ANKRD17: variants seen among roughly 807,000 people sequenced by gnomAD.
ANKRD17 encodes the protein ankyrin repeat domain 17.
Under a neutral mutation model 229.7 loss-of-function variants are expected in ANKRD17, and 19 were observed. The observed-to-expected ratio is 0.08, with a 90% CI of 0.06 to 0.12. The LOEUF (loss-of-function observed/expected upper bound fraction) is 0.12, where lower values mean the gene tolerates loss of function less well. Among genes scored for constraint, ANKRD17 ranks in the 10% least tolerant of loss-of-function variants. ANKRD17 has a pLI of 1.00. For synonymous variants in ANKRD17, 1,112 were observed against 1,146.1 expected, an observed-to-expected ratio of 0.97 and a Z score of 0.60; for missense variants, 2,176 against 3,176.8, an observed-to-expected ratio of 0.68 and a Z score of 7.57.
chr4:73,136,421 A>C (rs2148792364), intron 15 of ANKRD17, among the ~76,000 whole-genome samples: 1 of 152,306 alleles, frequency 6.6e-6, no homozygotes, highest in African/African-American at 2.4e-5. Flanking sequence ...ATTATGAATT[A>C]AGAAATCTAT....
Position 73,148,016 on chromosome 4 carries a change from C to T in ANKRD17, c.1568-584G>A, listed in dbSNP as rs112197155. On this transcript the variant is annotated intron_variant, in intron 8 of 33. Transcript: ENST00000358602. ...TATTAGCTTTATACACACGTATTAA[C>T]TATCACAACAACCCTACACGAGAAA... is the stretch of plus-strand genomic sequence containing the variant. Among the ~76,000 whole-genome samples the T allele has an allele frequency of 4.2e-3, 642 of 152,152 alleles. 6 individuals are homozygous for T. The highest frequency in any genetic ancestry group is 0.015 in the African/African-American group (610 of 41,506).
chr4:73,073,823 T>C lies in ANKRD17; in HGVS notation c.*2408A>G, dbSNP rs536203145. Reference sequence around the variant, plus strand: ...ATGGTATAAACTGATTATACAATAATTGAGATATTAACTACTTGGGGATTT... The same window carrying C: ...ATGGTATAAACTGATTATACAATAACTGAGATATTAACTACTTGGGGATTT... On this transcript the variant is annotated 3_prime_UTR_variant, in exon 34 of 34. Transcript: ENST00000358602. The C allele has an allele frequency of 8.6e-5, 13 of 151,994 alleles. No individual in the cohort carries two copies. Among genetic ancestry groups the C allele is most frequent in the Non-Finnish European group, 1.6e-4 (11 of 67,876 alleles). 9.4% of individuals were successfully genotyped at this position (151,994 alleles called of 1,614,324 possible).
intron 1 of ANKRD17, among the ~76,000 whole-genome samples, chr4:73,257,864 G>A (rs1276541130): frequency 6.6e-6 from 1 of 151,766 alleles, no homozygotes; most frequent in Non-Finnish European, 1.5e-5. Flanking sequence ...CTCCTAGTTG[G>A]TCCCCAAGAG....
chr4:73,159,962 C>T (rs1421868237), intron 3 of ANKRD17, among the ~76,000 whole-genome samples: 1 of 152,100 alleles, frequency 6.6e-6, no homozygotes, highest in Non-Finnish European at 1.5e-5. Context: ...CTCTTTTATG[C>T]TCTTAAAAAT....
rs1721066878 is a variant in ANKRD17, at chr4:73,076,978, T to C, written c.7714A>G (p.Met2572Val). 3 of 1,613,214 alleles carry C rather than the reference T, an allele frequency of 1.9e-6. No homozygotes were observed. Among genetic ancestry groups the C allele is most frequent in the East Asian group, 2.2e-5 (1 of 44,838 alleles). Residue 2572 changes from methionine to valine, a missense_variant, in exon 33 of 34, where the codon ATG becomes GTG. By Grantham distance (21) the Met-to-Val change is conservative. Coordinates refer to ENST00000358602, the MANE Select transcript of ANKRD17 (RefSeq NM_032217.5). Reference protein sequence around the residue: ...ADPSWNSLIKMVSSSTENNGP... With the variant: ...ADPSWNSLIKVVSSSTENNGP... ...TTATTTTCCGTGGAGCTGGAAACCA[T>C]CTTTATCAGTGAGTTCCAAGAAGGG... is the stretch of plus-strand genomic sequence containing the variant.
chr4:73,092,272 T>A lies in ANKRD17; in HGVS notation c.5356A>T (p.Thr1786Ser). ...TTGATCAAAGCATTAATCAATTGAG[T>A]TGCTTGTCTTGTTGATTCAGTGCCA... ...RGGTESTRQA[T>S]QLINALIKDP... The change falls in exon 29 of 34, where the codon ACT becomes TCT. Residue 1786 changes from threonine (T) to serine (S), a missense_variant. Physicochemically the swap from Thr to Ser is moderately conservative, Grantham distance 58 (BLOSUM62 1). Around this residue, in one of 18 missense-constraint regions of ANKRD17, gnomAD observed 142 missense variants for 200.4 expected, o/e 0.71. Coordinates refer to ENST00000358602, the MANE Select transcript of ANKRD17 (RefSeq NM_032217.5). 6.2e-7 allele frequency: 1 copy of A among 1,613,560 alleles called. No homozygotes were observed. The highest frequency in any genetic ancestry group is 8.5e-7 in the Non-Finnish European group (1 of 1,179,808).
intron 18 of ANKRD17, 50 bp from the exon 19 acceptor site, chr4:73,121,809 C>T (rs536327770): frequency 1.3e-6 from 2 of 1,518,664 alleles, no homozygotes; most frequent in Non-Finnish European, 1.8e-6. Context: ...AGACAAATTA[C>T]CAAAGTGTGT....
At chr4:73,120,051 T>C in intron 21 of ANKRD17, 111 bp downstream of exon 21, 2 of 1,216,428 alleles carry the variant, frequency 1.6e-6, no homozygotes, top group Admixed American at 1.9e-5. Context: ...CACTTGTTTA[T>C]AAAAGAAGAA....
At chr4:73,215,269 T>G (rs1182117637) in intron 1 of ANKRD17, among the ~76,000 whole-genome samples, 1 of 152,060 alleles carries the variant, frequency 6.6e-6, no homozygotes, top group Non-Finnish European at 1.5e-5. Flanking sequence ...AATGTGATTT[T>G]TTTTTTTTTG....
chr4:73,140,654 T>C (rs545320235), intron 14 of ANKRD17, among the ~76,000 whole-genome samples: 35 of 152,300 alleles, frequency 2.3e-4, no homozygotes, highest in Admixed American at 6.5e-4. Context: ...AGAACAATAA[T>C]GCTAAATTAT....
Position 73,098,578 on chromosome 4 carries a change from C to T in ANKRD17, c.4574-58G>A. On this transcript the variant is annotated intron_variant, in intron 25 of 33. Coordinates refer to ENST00000358602, the MANE Select transcript of ANKRD17 (RefSeq NM_032217.5). ...CTAAGTGTTCCCAGAATGTATTTAGCTATAAGCACTTGAAGAAAAGAAAAA... is the reference window on the plus strand; with the variant it reads ...CTAAGTGTTCCCAGAATGTATTTAGTTATAAGCACTTGAAGAAAAGAAAAA... The T allele has an allele frequency of 5.4e-6, 8 of 1,489,046 alleles. No individual in the cohort carries two copies. In the South Asian group the frequency reaches 1.0e-4, roughly 19 times the overall value. 92.2% of individuals were successfully genotyped at this position (1,489,046 alleles called of 1,614,324 possible).
At chr4:73,237,289 A>T (rs1443770931) in intron 1 of ANKRD17, among the ~76,000 whole-genome samples, 2 of 152,236 alleles carry the variant, frequency 1.3e-5, no homozygotes, top group Non-Finnish European at 2.9e-5. Context: ...GAAGACAAAA[A>T]GCTGTAATAC....
rs750700432 is a variant in ANKRD17, at chr4:73,090,981, G to A, written c.6647C>T (p.Ser2216Phe). 6.2e-6 allele frequency: 10 copies of A among 1,614,262 alleles called. No homozygotes were observed. The South Asian group carries it at 8.8e-5, about 14-fold the overall frequency. ...TAAGGTCGAAGGTAGCTGGACAGAA[G>A]AGGGAACACTGTGAGGTCTTTTAAT... ...NHIKRPHSVP[S>F]SVQLPSTLST... Residue 2216 changes from serine to phenylalanine, a missense_variant, in exon 29 of 34, where the codon TCT becomes TTT. Ser to Phe is a radical substitution (Grantham distance 155). Around this residue, in one of 18 missense-constraint regions of ANKRD17, gnomAD observed 424 missense variants for 454.0 expected, o/e 0.93. Coordinates refer to ENST00000358602, the MANE Select transcript of ANKRD17 (RefSeq NM_032217.5).
At chr4:73,248,853 G>T (rs911619436) in intron 1 of ANKRD17, among the ~76,000 whole-genome samples, 5 of 151,708 alleles carry the variant, frequency 3.3e-5, no homozygotes, top group African/African-American at 9.7e-5. Context: ...TCAGGTAAAA[G>T]AATTAACTCC....
In ANKRD17 at chr4:73,161,335, C is replaced by T; in HGVS notation, c.561G>A (p.Leu187=). ...ALLEAAGIGK[L]STADGKAFAD... ...CAAAGGCTTTACCATCAGCCGTGGA[C>T]AATTTTCCTATTCCTATTATATTAT... Residue 187 remains leucine (L), a synonymous_variant, in exon 3 of 34, where the codon TTG becomes TTA. Transcript: ENST00000358602. 4 of 1,614,028 alleles carry T rather than the reference C, an allele frequency of 2.5e-6. No individual in the cohort carries two copies. In the South Asian group the frequency reaches 3.3e-5, roughly 13 times the overall value.
intron 1 of ANKRD17, among the ~76,000 whole-genome samples, chr4:73,204,295 A>G (rs1739132480): frequency 7.1e-6 from 1 of 141,192 alleles, no homozygotes; most frequent in Non-Finnish European, 1.5e-5. Context: ...CGAGAGGCGG[A>G]GCTTGCAGTG....
intron 25 of ANKRD17, chr4:73,101,121 A>AATAT: frequency 1.2e-6 from 1 of 848,298 alleles, no homozygotes; most frequent in Non-Finnish European, 1.4e-6. Context: ...CATGTTATAT[A>AATAT]AAGACTTGAG....
chr4:73,173,144 A>G (rs977433965), intron 2 of ANKRD17, among the ~76,000 whole-genome samples: 6 of 152,232 alleles, frequency 3.9e-5, no homozygotes, highest in Non-Finnish European at 8.8e-5. Flanking sequence ...GGAAACCAAA[A>G]AAGCGCAAGA....
chr4:73,121,785 G>T, intron 18 of ANKRD17, 26 bp from the exon 19 acceptor site: 1 of 1,565,034 alleles, frequency 6.4e-7, no homozygotes, highest in Non-Finnish European at 8.6e-7. Flanking sequence ...AAAAAAATAT[G>T]TTTTCTTATG....
Sources: allele counts gnomAD v4.1 joint callset (sites outside exome capture counted in the v4.1 genomes callset), GRCh38; gene constraint gnomAD v4.1.1; regional missense constraint gnomAD v4.1.1; transcripts MANE v1.5; gene names NCBI Gene and HGNC (gene_info 2026-07-23, HGNC 2026-07-21).